ARFGEF2: variants seen among roughly 807,000 people sequenced by gnomAD.
ARFGEF2 encodes brefeldin A-inhibited guanine nucleotide-exchange protein 2.
In ARFGEF2, 74 loss-of-function variants were observed where a neutral mutation model predicts 219.9. The observed-to-expected ratio is 0.34, with a 90% CI of 0.28 to 0.41. The LOEUF (loss-of-function observed/expected upper bound fraction) is 0.41. Among genes scored for constraint, ARFGEF2 ranks in the 10% least tolerant of loss-of-function variants. The pLI is 1.00. For missense variants in ARFGEF2, 1,743 were observed against 2,218.3 expected, an observed-to-expected ratio of 0.79 and a Z score of 4.30; for synonymous variants, 733 against 799.2, an observed-to-expected ratio of 0.92 and a Z score of 1.40.
chr20:49,002,260 A>T (rs1427955868), intron 25 of ARFGEF2, among the ~76,000 whole-genome samples: 1 of 152,178 alleles, frequency 6.6e-6, no homozygotes, highest in African/African-American at 2.4e-5. Context: ...ATAAAATAAG[A>T]TTAAAAAAAT....
At chr20:48,974,286 C>T (rs1600625123) in intron 12 of ARFGEF2, among the ~76,000 whole-genome samples, 4 of 151,882 alleles carry the variant, frequency 2.6e-5, no homozygotes, top group South Asian at 2.1e-4. Flanking sequence ...CCACCACACC[C>T]GGCTGATTTG....
At chr20:48,942,485 T>G (rs980806331) in intron 3 of ARFGEF2, among the ~76,000 whole-genome samples, 2 of 140,078 alleles carry the variant, frequency 1.4e-5, no homozygotes, top group Non-Finnish European at 3.1e-5. Context: ...TTTTTTTTTT[T>G]TTTTTTTTTT....
intron 3 of ARFGEF2, among the ~76,000 whole-genome samples, chr20:48,948,702 G>C (rs1042359707): frequency 6.6e-6 from 1 of 152,134 alleles, no homozygotes; most frequent in East Asian, 1.9e-4. Flanking sequence ...TCCTATAAAG[G>C]CCTGTTATAG....
chr20:48,971,035 G>A lies in ARFGEF2; in HGVS notation c.1191-85G>A, dbSNP rs1166038004. On this transcript the variant is annotated intron_variant, in intron 9 of 38. Transcript: ENST00000371917. ...TAATTCTTTAAAATTCTACTCATTG[G>A]TAAAGGAGCAAGGCCTTCTCAAGAA... is the stretch of plus-strand genomic sequence containing the variant. 7.2e-6 allele frequency: 8 copies of A among 1,110,368 alleles called. No individual in the cohort carries two copies. The Admixed American group carries it at 1.4e-4, about 20-fold the overall frequency. The allele number at this position is 1,110,368 out of a possible 1,614,324, so 68.8% of individuals were successfully genotyped here.
At chr20:49,002,935 C>T (rs2091434108) in intron 25 of ARFGEF2, among the ~76,000 whole-genome samples, 1 of 151,326 alleles carries the variant, frequency 6.6e-6, no homozygotes, top group Non-Finnish European at 1.5e-5. Flanking sequence ...CGTGAGCCAC[C>T]ACGCTTGGCC....
At chr20:48,969,425 C>G (rs558079952) in intron 9 of ARFGEF2, 148 bp downstream of exon 9, 42 of 1,420,980 alleles carry the variant, frequency 3.0e-5, no homozygotes, top group Non-Finnish European at 4.1e-5. Flanking sequence ...ACTTTTCAGA[C>G]TCATGCAGTC....
At chr20:48,961,112 T>TAATAATAATAATAA (rs1490506780) in intron 6 of ARFGEF2, among the ~76,000 whole-genome samples, 5 of 148,878 alleles carry the variant, frequency 3.4e-5, no homozygotes, top group Non-Finnish European at 7.4e-5. Flanking sequence ...ATAATAATAA[T>TAATAATAATAATAA]TTTCTTTATT....
intron 12 of ARFGEF2, 130 bp downstream of exon 12, chr20:48,973,414 C>A: frequency 1.0e-6 from 1 of 956,990 alleles, no homozygotes; most frequent in South Asian, 1.4e-5. Flanking sequence ...TATTCACACA[C>A]TTCCTGCCAT....
At chr20:48,955,109 C>A (rs1322628700) in intron 6 of ARFGEF2, among the ~76,000 whole-genome samples, 1 of 152,164 alleles carries the variant, frequency 6.6e-6, no homozygotes, top group Non-Finnish European at 1.5e-5. Flanking sequence ...CTGCTCAAAC[C>A]CCTTTGGTAA....
At chr20:49,018,302 G>A (rs897859525) in intron 33 of ARFGEF2, among the ~76,000 whole-genome samples, 11 of 151,928 alleles carry the variant, frequency 7.2e-5, no homozygotes, top group African/African-American at 9.7e-5. Context: ...GTGCGATCTC[G>A]GCTCACTGCA....
intron 37 of ARFGEF2, among the ~76,000 whole-genome samples, chr20:49,031,439 G>C (rs1005944165): frequency 6.6e-6 from 1 of 151,794 alleles, no homozygotes; most frequent in Non-Finnish European, 1.5e-5. Context: ...TACATTGGCC[G>C]GGCTGTCTCG....
At chr20:48,981,684 T>C (rs1433964354) in intron 14 of ARFGEF2, among the ~76,000 whole-genome samples, 1 of 152,222 alleles carries the variant, frequency 6.6e-6, no homozygotes, top group Non-Finnish European at 1.5e-5. Flanking sequence ...TCGTTTCTTT[T>C]TATTCTTTTT....
At chr20:48,970,147 TCTA>T (rs1312107647) in intron 9 of ARFGEF2, among the ~76,000 whole-genome samples, 2 of 151,508 alleles carry the variant, frequency 1.3e-5, no homozygotes, top group African/African-American at 4.9e-5. Context: ...AAACCCCACT[TCTA>T]CTAAAAATAC....
intron 1 of ARFGEF2, among the ~76,000 whole-genome samples, chr20:48,923,019 G>A (rs2123252852): frequency 6.6e-6 from 1 of 152,340 alleles, no homozygotes; most frequent in South Asian, 2.1e-4. Flanking sequence ...GCTTTCCATG[G>A]TCAGGAAAGT....
intron 4 of ARFGEF2, 103 bp downstream of exon 4, chr20:48,951,572 T>C (rs2091071245): frequency 1.3e-6 from 2 of 1,489,558 alleles, no homozygotes; most frequent in Non-Finnish European, 1.9e-6. Flanking sequence ...CAGGTGGTGC[T>C]GAGGTGGAAC....
intron 12 of ARFGEF2, among the ~76,000 whole-genome samples, 155 bp from the exon 13 acceptor site, chr20:48,974,611 T>C (rs1334857113): frequency 6.6e-6 from 1 of 152,216 alleles, no homozygotes; most frequent in Non-Finnish European, 1.5e-5. Flanking sequence ...TCCTTGATAC[T>C]TGTCACTTCT....
chr20:48,969,816 G>A (rs1269827726), intron 9 of ARFGEF2, among the ~76,000 whole-genome samples: 1 of 152,218 alleles, frequency 6.6e-6, no homozygotes, highest in East Asian at 1.9e-4. Flanking sequence ...CTTGAGAGCA[G>A]TTCCTTGGCT....
chr20:48,931,731 A>C (rs1178285173), intron 1 of ARFGEF2, among the ~76,000 whole-genome samples: 1 of 152,118 alleles, frequency 6.6e-6, no homozygotes, highest in Non-Finnish European at 1.5e-5. Flanking sequence ...CGGGGCAGAA[A>C]TGTGCTTGGT....
In ARFGEF2 at chr20:48,953,580, A is replaced by G; in HGVS notation, c.628A>G (p.Lys210Glu). 6.2e-7 allele frequency: 1 copy of G among 1,614,186 alleles called. No individual in the cohort carries two copies. The highest frequency in any genetic ancestry group is 1.1e-5 in the South Asian group (1 of 91,088). Residue 210 changes from lysine (K) to glutamate (E), a missense_variant, in exon 6 of 39, where the codon AAA becomes GAA. Lys to Glu is a moderately conservative substitution (Grantham distance 56). Around this residue, in one of 5 missense-constraint regions of ARFGEF2, gnomAD observed 394 missense variants for 426.6 expected, o/e 0.92. Transcript: ENST00000371917. ...QVLQEARELE[K>E]PIQSKPQSPV... ...GTTGCAGGAGGCCAGAGAACTGGAA[A>G]AACCAATCCAGTCAAAACCCCAGTC...
Sources: gnomAD v4.1 joint callset for allele counts (sites outside exome capture counted in the v4.1 genomes callset) on GRCh38, gnomAD v4.1.1 for gene constraint, gnomAD v4.1.1 regional missense constraint, MANE v1.5 for transcripts, NCBI Gene and HGNC (gene_info 2026-07-23, HGNC 2026-07-21) for gene names.